The following SF3B2 variants were observed in gnomAD, a reference collection of about 807,000 sequenced individuals.
SF3B2 encodes splicing factor 3b subunit 2, also known as SAP 145.
Under a neutral mutation model 116.3 loss-of-function variants are expected in SF3B2, and 22 were observed. The observed-to-expected ratio is 0.19, with a 90% confidence interval of 0.14 to 0.27. The LOEUF is 0.27. SF3B2 is among the 10% of genes least tolerant of loss of function. The pLI is 1.00. For synonymous variants in SF3B2, 406 were observed against 421.6 expected, an observed-to-expected ratio of 0.96 and a Z score of 0.45; for missense variants, 767 against 1,151.4, an observed-to-expected ratio of 0.67 and a Z score of 4.83.
chr11:66,055,114 C>A lies in SF3B2; in HGVS notation c.297C>A (p.Leu99=), dbSNP rs766516365. ...CCATGCCACCACCACCTTTGGGACT[C>A]CCCCCTCTGCAGCCTCCTCCGCCAC... The part of the protein sequence containing the change: ...GIPMPPPPLG[L]PPLQPPPPPP... The change falls in exon 4 of 22, where the codon CTC becomes CTA. Residue 99 remains leucine, a synonymous_variant. Coordinates refer to ENST00000322535, the MANE Select transcript of SF3B2 (RefSeq NM_006842.3). The A allele has an allele frequency of 4.5e-6, 7 of 1,543,152 alleles. No individual in the cohort carries two copies. Among genetic ancestry groups the A allele is most frequent in the South Asian group, 3.7e-5 (3 of 81,182 alleles).
chr11:66,068,963 A>G lies in SF3B2; in HGVS notation c.*218A>G. The G allele has an allele frequency of 3.8e-6, 2 of 528,160 alleles. No individual in the cohort carries two copies. The highest frequency in any genetic ancestry group is 2.3e-5 in the South Asian group (1 of 43,732). 32.7% of individuals were successfully genotyped at this position (528,160 alleles called of 1,614,324 possible). Reference sequence around the variant, plus strand: ...CCCCTTCTTGCAAAAGGACTAAAATAGTCTCTTTCTACAATCACTGGGCTG... The same window carrying G: ...CCCCTTCTTGCAAAAGGACTAAAATGGTCTCTTTCTACAATCACTGGGCTG... On this transcript the variant is annotated 3_prime_UTR_variant, in exon 22 of 22. Transcript: ENST00000322535.
intron 19 of SF3B2, chr11:66,067,672 T>C (rs1451577669): frequency 4.0e-6 from 2 of 500,524 alleles, no homozygotes; most frequent in Middle Eastern, 5.1e-4. Context: ...CTCTGACCTT[T>C]TGACCCTTAT....
At position 66,063,391 on chromosome 11, in the gene SF3B2, C is replaced by T. The variant is rs1332596421; in HGVS notation, c.2086-9C>T. On this transcript the variant is annotated splice_polypyrimidine_tract_variant and intron_variant, in intron 17 of 21. Transcript: ENST00000322535. ...AACATTTGTTGAATGATAAAGTGAT[C>T]TCTTTCAGACCAAGACTGAGGAAGA... The T allele has an allele frequency of 6.2e-7, 1 of 1,603,404 alleles. No individual in the cohort carries two copies. Among genetic ancestry groups the T allele is most frequent in the Non-Finnish European group, 8.5e-7 (1 of 1,175,322 alleles).
At position 66,052,715 on chromosome 11, in the gene SF3B2, G is replaced by A. The variant is rs1413950492; in HGVS notation, c.176G>A (p.Arg59His). The A allele has an allele frequency of 1.3e-6, 2 of 1,571,320 alleles. No homozygotes were observed. Among genetic ancestry groups the A allele is most frequent in the Non-Finnish European group, 1.7e-6 (2 of 1,162,306 alleles). Residue 59 changes from arginine to histidine, a missense_variant, in exon 2 of 22, where the codon CGC (arginine) becomes CAC (histidine). Arg to His is a conservative substitution (Grantham distance 29). This residue lies in a region of SF3B2 where 455 missense variants were observed against 537.5 expected (regional missense o/e 0.85). Coordinates refer to ENST00000322535, the MANE Select transcript of SF3B2 (RefSeq NM_006842.3). ...GTGGAGCGGCTGCAGAGCTACACCC[G>A]CCAGGTAGGTGTTGGCGGCGGGACG... ...ELVERLQSYT[R>H]QTGIVLNRPV...
chr11:66,060,858 G>A, intron 14 of SF3B2, 127 bp downstream of exon 14: 1 of 1,040,456 alleles, frequency 9.6e-7, no homozygotes, highest in Non-Finnish European at 1.4e-6. Flanking sequence ...GGAGTGCAGT[G>A]GTGGGATCTC....
In SF3B2 at chr11:66,056,972, G is replaced by A. The variant is rs1378926898; in HGVS notation, c.667+17G>A. 5 of 1,560,344 alleles carry A rather than the reference G, an allele frequency of 3.2e-6. No individual in the cohort carries two copies. Among genetic ancestry groups the A allele is most frequent in the Middle Eastern group, 1.7e-4 (1 of 5,956 alleles). Reference sequence around the variant, plus strand: ...GTCCTCGAGGTGAGACCCTGGAACCGAGGGGAAGGGCAAGGAAGGTGATTT... The same window carrying A: ...GTCCTCGAGGTGAGACCCTGGAACCAAGGGGAAGGGCAAGGAAGGTGATTT... On this transcript the variant is annotated intron_variant, in intron 6 of 21. Coordinates refer to ENST00000322535, the MANE Select transcript of SF3B2 (RefSeq NM_006842.3).
chr11:66,063,750 T>C (rs748500677), intron 19 of SF3B2, 21 bp downstream of exon 19: 2 of 1,566,380 alleles, frequency 1.3e-6, no homozygotes, highest in Non-Finnish European at 8.7e-7. Flanking sequence ...CAGACAGGGC[T>C]GAGAGGGGAG....
intron 5 of SF3B2, among the ~76,000 whole-genome samples, chr11:66,056,436 C>T (rs1308048641): frequency 6.7e-6 from 1 of 148,840 alleles, no homozygotes; most frequent in East Asian, 2.0e-4. Context: ...CAAGTCTGGA[C>T]CTGTGGGTAA....
rs1345560132 is a variant in SF3B2, at chr11:66,059,559, C to A, written c.1365C>A (p.Arg455=). 1 of 1,613,936 alleles carries A rather than the reference C, an allele frequency of 6.2e-7. No homozygotes were observed. The highest frequency in any genetic ancestry group is 8.5e-7 in the Non-Finnish European group (1 of 1,179,972). The change falls in exon 12 of 22, where the codon CGC becomes CGA. Residue 455 remains arginine (R), a synonymous_variant. Coordinates refer to ENST00000322535, the MANE Select transcript of SF3B2 (RefSeq NM_006842.3). This position sits in a 1 kb window ranked among gnomAD's most constrained non-coding sequence, Gnocchi z 5.0. ...CCAAGCTGTCCAAGAAGAAGTTGCG[C>A]CGAATGAACCGCTTCACTGTGGCTG... ...EAPKLSKKKL[R]RMNRFTVAEL... is the part of the protein sequence containing the mutation.
rs477280 is a variant in SF3B2, at chr11:66,067,780, C to T, written c.2331-166C>T. 2.0e-3 allele frequency: 1,197 copies of T among 613,242 alleles called. 2 individuals carry two copies. The highest frequency in any genetic ancestry group is 3.0e-3 in the Non-Finnish European group (1,031 of 347,788). 38.0% of individuals were successfully genotyped at this position (613,242 alleles called of 1,614,324 possible). A position where few individuals can be genotyped will look rare whatever the true frequency, so the allele number is the denominator to read the frequency against. ...TGGAGTCAGCACTGTGCCACCCCCC[C>T]GCCCAATTCTTTTCTGTCATGGGCA... On this transcript the variant is annotated intron_variant, in intron 19 of 21. Coordinates refer to ENST00000322535, the MANE Select transcript of SF3B2 (RefSeq NM_006842.3).
At chr11:66,067,816 G>T in intron 19 of SF3B2, 130 bp from the exon 20 acceptor site, 5 of 708,586 alleles carry the variant, frequency 7.1e-6, no homozygotes, top group Non-Finnish European at 1.2e-5. Flanking sequence ...GAACTGCAGA[G>T]GCTGCATCCT....
chr11:66,055,035 G>C, intron 3 of SF3B2, 41 bp from the exon 4 acceptor site: 1 of 1,496,026 alleles, frequency 6.7e-7, no homozygotes, highest in Non-Finnish European at 8.9e-7. Context: ...AGAATGAGTA[G>C]ATAAATGCTT....
rs767460320 is a variant in SF3B2, at chr11:66,055,270, G to A, written c.453G>A (p.Gln151=). ...AGGAGGAGCGGCTGAAGTTGGCTCA[G>A]CAGCAGGCGGCATTGCTGATGCAGC... is the stretch of plus-strand genomic sequence containing the variant. ...LSEEERLKLA[Q]QQAALLMQQE... is the part of the protein sequence containing the mutation. The change falls in exon 4 of 22, where the codon CAG becomes CAA. Residue 151 remains glutamine, a synonymous_variant. Transcript: ENST00000322535. 44 of 1,613,682 alleles carry A rather than the reference G, an allele frequency of 2.7e-5. No individual in the cohort carries two copies. In the South Asian group the frequency reaches 4.6e-4, roughly 17 times the overall value.
chr11:66,058,261 C>T (rs1857037364), intron 8 of SF3B2, 53 bp from the exon 9 acceptor site: 7 of 1,581,196 alleles, frequency 4.4e-6, no homozygotes, highest in South Asian at 3.3e-5. Flanking sequence ...TTACTGTGAA[C>T]GAGTGCAGGG....
Position 66,057,281 on chromosome 11 carries a change from G to A in SF3B2, c.683G>A (p.Gly228Asp). 1 of 1,606,168 alleles carries A rather than the reference G, an allele frequency of 6.2e-7. No homozygotes were observed. Among genetic ancestry groups the A allele is most frequent in the Non-Finnish European group, 8.5e-7 (1 of 1,172,676 alleles). ...CGTCTCTTAGTAGCTGCTCCAGTGG[G>A]CCCAGTGGGCCCCACTCCTACAGTT... ...PLGPRVAAPV[G>D]PVGPTPTVLP... The change falls in exon 7 of 22, where the codon GGC becomes GAC. Residue 228 changes from glycine to aspartate, a missense_variant. This residue lies in a region of SF3B2 where 455 missense variants were observed against 537.5 expected (regional missense o/e 0.85). Coordinates refer to ENST00000322535, the MANE Select transcript of SF3B2 (RefSeq NM_006842.3).
chr11:66,064,328 GTTA>G (rs2135054921), intron 19 of SF3B2, among the ~76,000 whole-genome samples: 1 of 152,128 alleles, frequency 6.6e-6, no homozygotes, highest in East Asian at 1.9e-4. Flanking sequence ...TTTTTGCTTT[GTTA>G]TTTTAGTTGT....
At chr11:66,067,601 T>C (rs919147049) in intron 19 of SF3B2, 2 of 470,994 alleles carry the variant, frequency 4.2e-6, no homozygotes, top group African/African-American at 2.0e-5. Flanking sequence ...TGGGAACTGT[T>C]GTCGCCTGCT....
At chr11:66,057,698 G>C (rs1857025832) in intron 7 of SF3B2, among the ~76,000 whole-genome samples, 1 of 152,028 alleles carries the variant, frequency 6.6e-6, no homozygotes, top group African/African-American at 2.4e-5. Flanking sequence ...ACTGTGGGCT[G>C]GGTGCGGTGG....
At chr11:66,056,562 A>G (rs191122228) in intron 5 of SF3B2, among the ~76,000 whole-genome samples, 10 of 152,316 alleles carry the variant, frequency 6.6e-5, no homozygotes. Flanking sequence ...TGAAAAGTAG[A>G]AGGCACTGTT....
Sources: gnomAD v4.1 joint callset for allele counts (sites outside exome capture counted in the v4.1 genomes callset) on GRCh38, gnomAD v4.1.1 for gene constraint, gnomAD v4.1.1 regional missense constraint, Gnocchi (gnomAD v3.1) non-coding constraint, MANE v1.5 for transcripts, NCBI Gene and HGNC (gene_info 2026-07-23, HGNC 2026-07-21) for gene names.